TRMT9B: variants seen among roughly 807,000 people sequenced by gnomAD.
TRMT9B encodes probable tRNA methyltransferase 9B.
In TRMT9B, 16 loss-of-function variants were observed where a neutral mutation model predicts 11.5. The ratio of observed to expected loss-of-function variants is 1.39; its 90% CI spans 0.94 to 2.11. TRMT9B has a LOEUF of 2.11. Among genes scored for constraint, TRMT9B ranks in the 30% most tolerant of loss-of-function variants. The pLI is 0.00. For synonymous variants in TRMT9B, 274 were observed against 192.4 expected (o/e 1.42, Z -3.51); for missense variants, 941 against 553.8 (o/e 1.70, Z -7.02).
At chr8:12,950,013 C>A (rs764445757) in intron 1 of TRMT9B, among the ~76,000 whole-genome samples, 1 of 152,114 alleles carries the variant, frequency 6.6e-6, no homozygotes, top group Non-Finnish European at 1.5e-5. Flanking sequence ...CCACCACGCC[C>A]AGCTAATGTT....
At chr8:12,979,416 C>T (rs1804994486) in intron 1 of TRMT9B, among the ~76,000 whole-genome samples, 1 of 152,050 alleles carries the variant, frequency 6.6e-6, no homozygotes. Context: ...TGGGAGGTTG[C>T]AGTGAGCCAA....
At chr8:12,984,975 ACACACACACACACTCT>A (rs1409801862) in intron 1 of TRMT9B, among the ~76,000 whole-genome samples, 4 of 143,640 alleles carry the variant, frequency 2.8e-5, no homozygotes, top group South Asian at 2.1e-4. Context: ...ACACACACAC[ACACACACACACACTCT>A]CTCTCTCACA....
chr8:12,981,748 C>T (rs1039922658), intron 1 of TRMT9B, among the ~76,000 whole-genome samples: 2 of 151,942 alleles, frequency 1.3e-5, no homozygotes, highest in Admixed American at 6.6e-5. Flanking sequence ...TATAGGCATG[C>T]ACCACCACAC....
rs1814100739 is a variant in TRMT9B at position 13,022,361 on chromosome 8, G to C, written c.*317G>C. 2 of 224,546 alleles carry C rather than the reference G, an allele frequency of 8.9e-6. No homozygotes were observed. Among genetic ancestry groups the C allele is most frequent in the Non-Finnish European group, 9.3e-6 (1 of 107,322 alleles). 13.9% of individuals were successfully genotyped at this position (224,546 alleles called of 1,614,324 possible). A position where few individuals can be genotyped will look rare whatever the true frequency, so the allele number is the denominator to read the frequency against. ...TAAAATACATGTATAGTGTTTTTCA[G>C]TATTACACATTGATTTAAAAAGATT... On this transcript the variant is annotated 3_prime_UTR_variant, in exon 5 of 5. Transcript: ENST00000524591.
chr8:12,953,415 T>C (rs1432653185), intron 1 of TRMT9B, among the ~76,000 whole-genome samples: 1 of 152,092 alleles, frequency 6.6e-6, no homozygotes, highest in East Asian at 1.9e-4. Flanking sequence ...AGTGGTGCGA[T>C]CTTGGCTCAA....
chr8:13,000,037 G>A (rs1246893643), intron 2 of TRMT9B, among the ~76,000 whole-genome samples: 1 of 152,098 alleles, frequency 6.6e-6, no homozygotes, highest in Non-Finnish European at 1.5e-5. Context: ...TTCATATGAT[G>A]AACTGAGCTT....
rs61536433 is a variant in TRMT9B at position 12,959,516 on chromosome 8, C to CTTTTTTTTTTTTT, written c.-200+13561_-200+13573dup. Among the ~76,000 whole-genome samples, 718 of 74,924 alleles carry CTTTTTTTTTTTTT rather than the reference C, an allele frequency of 9.6e-3. 89 individuals are homozygous for CTTTTTTTTTTTTT. The highest frequency in any genetic ancestry group is 0.014 in the Non-Finnish European group (583 of 42,656). 49.2% of individuals were successfully genotyped at this position (74,924 alleles called of 152,430 possible). ...TCTCCTCTCCTTTCCTTTTTCCTTC[C>CTTTTTTTTTTTTT]TTTTTTTTTTTTTTTTTTTTTTTGA... On this transcript the variant is annotated intron_variant, in intron 1 of 4. Transcript: ENST00000524591.
At chr8:12,958,476 T>C (rs1452922192) in intron 1 of TRMT9B, 1 of 152,592 alleles carries the variant, frequency 6.6e-6, no homozygotes, top group Non-Finnish European at 1.5e-5. Flanking sequence ...CAGCTATGCC[T>C]CTGTAGGGTT....
intron 1 of TRMT9B, among the ~76,000 whole-genome samples, chr8:12,949,977 T>A (rs1800467389): frequency 6.6e-6 from 1 of 152,132 alleles, no homozygotes; most frequent in South Asian, 2.1e-4. Flanking sequence ...CTCAACCTCC[T>A]GAATGGCTGG....
intron 1 of TRMT9B, among the ~76,000 whole-genome samples, chr8:12,963,093 T>C (rs1274642044): frequency 6.6e-6 from 1 of 152,202 alleles, no homozygotes; most frequent in Non-Finnish European, 1.5e-5. Flanking sequence ...TTATGTTATA[T>C]TTTTACATGG....
chr8:12,978,510 TAGATAGA>T (rs1261425602), intron 1 of TRMT9B, among the ~76,000 whole-genome samples: 4 of 12,104 alleles, frequency 3.3e-4, no homozygotes, highest in Non-Finnish European at 7.0e-4. Context: ...AGACAGATGA[TAGATAGA>T]TGATAGATAG....
chr8:13,021,190 G>C lies in TRMT9B; in HGVS notation c.511G>C (p.Glu171Gln), dbSNP rs930491923. The C allele has an allele frequency of 6.8e-6, 11 of 1,613,694 alleles. No individual in the cohort carries two copies. In the Admixed American group the frequency reaches 1.5e-4, roughly 22 times the overall value. Reference protein sequence around the residue: ...NRALCSQLFSESSQSGRKRQC... With the variant: ...NRALCSQLFSQSSQSGRKRQC... ...GGCTCTGTGTTCCCAGCTCTTCTCAGAGTCCAGCCAGTCTGGGAGGAAGAG... is the reference window on the plus strand; with the variant it reads ...GGCTCTGTGTTCCCAGCTCTTCTCACAGTCCAGCCAGTCTGGGAGGAAGAG... The change falls in exon 5 of 5, where the codon GAG (glutamate) becomes CAG (glutamine). Residue 171 changes from glutamate (E) to glutamine (Q), a missense_variant. Transcript: ENST00000524591.
chr8:12,955,038 G>A (rs1295614216), intron 1 of TRMT9B, among the ~76,000 whole-genome samples: 1 of 152,212 alleles, frequency 6.6e-6, no homozygotes, highest in Admixed American at 6.5e-5. Flanking sequence ...TTTATAATAA[G>A]AAGTAGGAGT....
rs140663001 is a variant in TRMT9B, at chr8:13,011,828, T to C, written c.155-856T>C. ...TTTAAATGTAGCAATGAATAGAGAT[T>C]GGATAAAAACAATGTTAAAAATTCT... On this transcript the variant is annotated intron_variant, in intron 3 of 4. Transcript: ENST00000524591. 5.2e-6 allele frequency: 5 copies of C among 965,028 alleles called. No individual in the cohort carries two copies. The African/African-American group carries it at 8.8e-5, about 17-fold the overall frequency. 59.8% of individuals were successfully genotyped at this position (965,028 alleles called of 1,614,324 possible).
At chr8:13,019,850 T>G (rs1208413941) in intron 4 of TRMT9B, among the ~76,000 whole-genome samples, 6 of 152,184 alleles carry the variant, frequency 3.9e-5, no homozygotes, top group Non-Finnish European at 8.8e-5. Context: ...CAGAATGAAA[T>G]ACACTGGTGT....
rs766597096 is a variant in TRMT9B at position 13,021,300 on chromosome 8, T to C, written c.621T>C (p.Cys207=). Residue 207 remains cysteine (C), a synonymous_variant, in exon 5 of 5, where the codon TGT becomes TGC. Coordinates refer to ENST00000524591, the MANE Select transcript of TRMT9B (RefSeq NM_020844.3). ...CSCSVCFKEQ[C]GSKRSHSVGY... Reference sequence around the variant, plus strand: ...GTTCTGTTTGTTTTAAAGAGCAGTGTGGTTCAAAACGGTCCCACAGCGTGG... The same window carrying C: ...GTTCTGTTTGTTTTAAAGAGCAGTGCGGTTCAAAACGGTCCCACAGCGTGG... 4 of 1,614,002 alleles carry C rather than the reference T, an allele frequency of 2.5e-6. No homozygotes were observed. Among genetic ancestry groups the C allele is most frequent in the Admixed American group, 3.3e-5 (2 of 60,024 alleles).
intron 1 of TRMT9B, among the ~76,000 whole-genome samples, chr8:12,985,793 G>C (rs74362216): frequency 3.9e-5 from 6 of 152,110 alleles, no homozygotes; most frequent in African/African-American, 1.2e-4. Context: ...TTCTTACTGT[G>C]TGTATTCTCT....
chr8:13,012,724 A>T lies in TRMT9B; in HGVS notation c.195A>T (p.Val65=). The T allele has an allele frequency of 6.2e-7, 1 of 1,614,048 alleles. No individual in the cohort carries two copies. Among genetic ancestry groups the T allele is most frequent in the Non-Finnish European group, 8.5e-7 (1 of 1,179,880 alleles). ...TGKYLKVNSQ[V]HTVGCDYCGP... is the part of the protein sequence containing the mutation. The stretch of plus-strand genomic sequence containing the variant: ...AATATCTTAAAGTGAACAGCCAGGT[A>T]CATACCGTGGGCTGTGACTACTGTG... Residue 65 remains valine, a synonymous_variant, in exon 4 of 5, where the codon GTA becomes GTT. Transcript: ENST00000524591.
chr8:12,971,877 A>C (rs533158765), intron 1 of TRMT9B, among the ~76,000 whole-genome samples: 1 of 152,272 alleles, frequency 6.6e-6, no homozygotes, highest in South Asian at 2.1e-4. Context: ...GCTTTGGGCC[A>C]GGCCATGTTT....
Sources: gnomAD v4.1 joint callset for allele counts (sites outside exome capture counted in the v4.1 genomes callset) on GRCh38, gnomAD v4.1.1 for gene constraint, MANE v1.5 for transcripts, NCBI Gene and HGNC (gene_info 2026-07-23, HGNC 2026-07-21) for gene names.